The following RARS2 variants were observed in gnomAD, a reference collection of about 807,000 sequenced individuals.
The protein encoded by RARS2 is probable arginine--tRNA ligase, mitochondrial.
Under a neutral mutation model 88.5 loss-of-function variants are expected in RARS2, and 67 were observed. The ratio of observed to expected loss-of-function variants is 0.76; its 90% CI spans 0.62 to 0.93. RARS2 has a LOEUF of 0.93. Ranked by LOEUF, RARS2 falls within the 40% of genes least tolerant of loss-of-function variation. RARS2 has a pLI of 0.00. For synonymous variants in RARS2, 239 were observed against 230.3 expected (o/e 1.04, Z -0.34); for missense variants, 664 against 684.2 (o/e 0.97, Z 0.33).
intron 1 of RARS2, among the ~76,000 whole-genome samples, chr6:87,585,779 C>A (rs1562285122): frequency 6.6e-6 from 1 of 151,684 alleles, no homozygotes; most frequent in Non-Finnish European, 1.5e-5. Flanking sequence ...TCTGTTGAGT[C>A]CCAACCACCA....
At chr6:87,516,913 G>A (rs759514535) in intron 17 of RARS2, 33 bp from the exon 18 acceptor site, 6 of 1,612,422 alleles carry the variant, frequency 3.7e-6, no homozygotes, top group Non-Finnish European at 5.1e-6. Context: ...AACAGGAAAA[G>A]ACTGTACACA....
At chr6:87,536,943 C>T (rs1425628724) in intron 8 of RARS2, among the ~76,000 whole-genome samples, 3 of 152,138 alleles carry the variant, frequency 2.0e-5, no homozygotes, top group Admixed American at 6.5e-5. Flanking sequence ...GAAAAGAATG[C>T]TATAAGGTAC....
At chr6:87,517,663 G>C (rs1276340414) in intron 17 of RARS2, among the ~76,000 whole-genome samples, 2 of 152,106 alleles carry the variant, frequency 1.3e-5, no homozygotes, top group African/African-American at 4.8e-5. Flanking sequence ...CTAATCTCTG[G>C]CATGTTTGGC....
At position 87,530,903 on chromosome 6, in the gene RARS2, T is replaced by G. The variant is rs1777308098; in HGVS notation, c.652A>C (p.Ser218Arg). ...AACTCCTGTGCTGCTTTTGCTACAC[T>G]TTTATCATCTGCTGCTTCTTTATTA... is the stretch of plus-strand genomic sequence containing the variant. ...QVNKEAADDK[S>R]VAKAAQEFFQ... The change falls in exon 9 of 20, where the codon AGT (serine) becomes CGT (arginine). Residue 218 changes from serine (S) to arginine (R), a missense_variant. Ser to Arg is a moderately radical substitution (Grantham distance 110). Transcript: ENST00000369536. The G allele has an allele frequency of 1.9e-6, 3 of 1,614,210 alleles. No individual in the cohort carries two copies. Among genetic ancestry groups the G allele is most frequent in the Non-Finnish European group, 1.7e-6 (2 of 1,180,024 alleles).
At chr6:87,582,399 GTCT>G (rs990796248) in intron 1 of RARS2, among the ~76,000 whole-genome samples, 9 of 152,122 alleles carry the variant, frequency 5.9e-5, no homozygotes, top group African/African-American at 2.2e-4. Flanking sequence ...CCACATAAAT[GTCT>G]TCTTCTGAGA....
intron 17 of RARS2, among the ~76,000 whole-genome samples, chr6:87,517,259 C>A (rs943935690): frequency 6.6e-6 from 1 of 151,982 alleles, no homozygotes; most frequent in African/African-American, 2.4e-5. Context: ...GCCTGGGCAA[C>A]AGAGCAAGAC....
At chr6:87,559,463 C>CAA (rs753856335) in intron 4 of RARS2, among the ~76,000 whole-genome samples, 58 of 93,232 alleles carry the variant, frequency 6.2e-4, no homozygotes, top group African/African-American at 8.8e-4. Context: ...AACTCTGTCT[C>CAA]AAAAAAAAAA....
chr6:87,516,957 A>AAT, intron 17 of RARS2, 77 bp from the exon 18 acceptor site: 1 of 1,591,380 alleles, frequency 6.3e-7, no homozygotes, highest in South Asian at 1.1e-5. Flanking sequence ...AAAGATTGTG[A>AAT]ATATAAGGTT....
At chr6:87,545,739 T>C (rs373708353) in intron 6 of RARS2, 40 bp from the exon 7 acceptor site, 43 of 1,601,176 alleles carry the variant, frequency 2.7e-5, no homozygotes, top group Non-Finnish European at 3.4e-5. Flanking sequence ...ATTCTTGTTA[T>C]CCATTTTTTG....
intron 1 of RARS2, among the ~76,000 whole-genome samples, chr6:87,580,020 C>T (rs557154495): frequency 6.6e-6 from 1 of 152,028 alleles, no homozygotes; most frequent in African/African-American, 2.4e-5. Context: ...ATTACAGGTG[C>T]GAGCCACCGC....
chr6:87,575,424 A>C (rs1562252556), intron 1 of RARS2, among the ~76,000 whole-genome samples: 1 of 152,182 alleles, frequency 6.6e-6, no homozygotes, highest in Non-Finnish European at 1.5e-5. Context: ...CATTGCTATA[A>C]GCAATGGAGG....
chr6:87,545,501 T>C (rs1211909649), intron 7 of RARS2, 115 bp downstream of exon 7: 8 of 1,155,344 alleles, frequency 6.9e-6, no homozygotes, highest in Non-Finnish European at 9.3e-6. Context: ...AAAAAAAAAA[T>C]AGGTAGGACA....
Position 87,555,453 on chromosome 6 carries a change from TCA to T in RARS2, c.348_349del (p.Ser116ArgfsTer14). The T allele has an allele frequency of 6.2e-7, 1 of 1,614,052 alleles. No individual in the cohort carries two copies. Among genetic ancestry groups the T allele is most frequent in the Non-Finnish European group, 8.5e-7 (1 of 1,179,974 alleles). ...CTTCTGGGGAAGTCCAGAGAAAAGTTCACTTTTTAATCCATATTTTGAGCCAT... is the reference window on the plus strand; with the variant it reads ...CTTCTGGGGAAGTCCAGAGAAAAGTTCTTTTTAATCCATATTTTGAGCCAT... On this transcript the variant is annotated frameshift_variant, in exon 5 of 20. Coordinates refer to ENST00000369536, the MANE Select transcript of RARS2 (RefSeq NM_020320.5). LOFTEE classifies it high-confidence loss of function.
chr6:87,581,735 C>T (rs1219926483), intron 1 of RARS2, among the ~76,000 whole-genome samples: 1 of 152,082 alleles, frequency 6.6e-6, no homozygotes, highest in African/African-American at 2.4e-5. Flanking sequence ...AGCTATTTTT[C>T]CTAAAGCTCT....
intron 8 of RARS2, among the ~76,000 whole-genome samples, chr6:87,532,593 T>G (rs1026055606): frequency 6.6e-6 from 1 of 152,162 alleles, no homozygotes; most frequent in Non-Finnish European, 1.5e-5. Flanking sequence ...CTGGGAAAAT[T>G]TGGGAGTCTG....
chr6:87,524,448 T>A, intron 11 of RARS2, 109 bp downstream of exon 11: 1 of 898,068 alleles, frequency 1.1e-6, no homozygotes, highest in Admixed American at 1.8e-5. Flanking sequence ...GTTTATAGAA[T>A]AATGTCATCA....
At chr6:87,585,682 A>T (rs1206086313) in intron 1 of RARS2, among the ~76,000 whole-genome samples, 1 of 152,196 alleles carries the variant, frequency 6.6e-6, no homozygotes, top group Non-Finnish European at 1.5e-5. Flanking sequence ...CAGTGAGCAG[A>T]GATCACGCCA....
At position 87,521,454 on chromosome 6, in the gene RARS2, G is replaced by A. The variant is rs769177717; in HGVS notation, c.1035+10C>T. On this transcript the variant is annotated intron_variant, in intron 12 of 19. Transcript: ENST00000369536. ...TTAAGAGATCATAACTTTTTGTTCT[G>A]ATTACTTACCACATATATCATTGTA... is the stretch of plus-strand genomic sequence containing the variant. The A allele has an allele frequency of 6.9e-6, 11 of 1,582,868 alleles. No individual in the cohort carries two copies. The highest frequency in any genetic ancestry group is 1.1e-5 in the South Asian group (1 of 90,336).
At chr6:87,523,724 G>A (rs907483190) in intron 11 of RARS2, among the ~76,000 whole-genome samples, 3 of 152,036 alleles carry the variant, frequency 2.0e-5, no homozygotes, top group African/African-American at 4.8e-5. Context: ...AACCAGACCC[G>A]GATAGTTACA....
Sources: allele counts gnomAD v4.1 joint callset (sites outside exome capture counted in the v4.1 genomes callset), GRCh38; gene constraint gnomAD v4.1.1; transcripts MANE v1.5; gene names NCBI Gene and HGNC (gene_info 2026-07-23, HGNC 2026-07-21).